CNTN3: variants seen among roughly 807,000 people sequenced by gnomAD.
CNTN3 encodes the protein contactin 3.
In CNTN3, 60 loss-of-function variants were observed where a neutral mutation model predicts 119.1. The observed-to-expected ratio is 0.50, with a 90% confidence interval of 0.41 to 0.62. CNTN3 has a LOEUF of 0.62. Ranked by LOEUF, CNTN3 falls within the 20% of genes least tolerant of loss-of-function variation. The pLI, the probability that CNTN3 is intolerant of heterozygous loss-of-function variation, is 0.00. For missense variants in CNTN3, 1,101 were observed against 1,242.4 expected (o/e 0.89, Z 1.71); for synonymous variants, 450 against 438.7 (o/e 1.03, Z -0.32).
intron 10 of CNTN3, 78 bp from the exon 11 acceptor site, chr3:74,362,118 A>G: frequency 1.3e-6 from 2 of 1,504,688 alleles, no homozygotes; most frequent in Non-Finnish European, 1.8e-6. Flanking sequence ...CCACTTTTAC[A>G]GTTTTAAAAG....
At chr3:74,527,015 CT>C (rs1195442161) in intron 1 of CNTN3, among the ~76,000 whole-genome samples, 14 of 151,946 alleles carry the variant, frequency 9.2e-5, no homozygotes, top group African/African-American at 3.4e-4. Flanking sequence ...TGTGTGTACT[CT>C]ATGCTTTATT....
At chr3:74,375,289 T>C (rs1355027992) in intron 5 of CNTN3, among the ~76,000 whole-genome samples, 1 of 152,074 alleles carries the variant, frequency 6.6e-6, no homozygotes, top group Non-Finnish European at 1.5e-5. Flanking sequence ...GAAAAAGGTA[T>C]AGTAAAAATA....
chr3:74,351,472 A>T (rs936962212), intron 11 of CNTN3, among the ~76,000 whole-genome samples: 20 of 152,278 alleles, frequency 1.3e-4, no homozygotes, highest in African/African-American at 4.8e-4. Context: ...AACTTGTCTA[A>T]CACCCCATAG....
rs111905314 is a variant in CNTN3, at chr3:74,606,698, A to G, written c.-81+7693T>C. ...CAATTATGGCACTATCAGATTAAAA[A>G]GGATATTGACTATATTCTAGAATTT... On this transcript the variant is annotated intron_variant, in intron 1 of 22. Transcript: ENST00000263665. Among the ~76,000 whole-genome samples the G allele has an allele frequency of 2.9e-3, 439 of 152,308 alleles. 1 individual carries two copies. Among genetic ancestry groups the G allele is most frequent in the African/African-American group, 9.7e-3 (402 of 41,578 alleles).
chr3:74,362,069 A>G (rs2106772591), intron 10 of CNTN3, 29 bp from the exon 11 acceptor site: 1 of 1,603,870 alleles, frequency 6.2e-7, no homozygotes, highest in Admixed American at 1.7e-5. Context: ...GAGAAGGAGA[A>G]GTGGATCATT....
At chr3:74,322,483 C>A (rs866861438) in intron 13 of CNTN3, among the ~76,000 whole-genome samples, 5 of 152,150 alleles carry the variant, frequency 3.3e-5, no homozygotes, top group Admixed American at 6.5e-5. Context: ...AATCCAGACA[C>A]TGACAACATA....
At chr3:74,389,770 G>C (rs537355039) in intron 5 of CNTN3, among the ~76,000 whole-genome samples, 13 of 152,238 alleles carry the variant, frequency 8.5e-5, no homozygotes, top group African/African-American at 3.1e-4. Context: ...AAGCAGTTCT[G>C]CACAAACTAA....
At chr3:74,479,143 A>G (rs1047660509) in intron 4 of CNTN3, among the ~76,000 whole-genome samples, 1 of 152,030 alleles carries the variant, frequency 6.6e-6, no homozygotes, top group Non-Finnish European at 1.5e-5. Flanking sequence ...TGCAAGTAAT[A>G]ATATGTGTGA....
intron 4 of CNTN3, among the ~76,000 whole-genome samples, chr3:74,451,356 G>T (rs546107228): frequency 4.6e-5 from 7 of 152,138 alleles, no homozygotes; most frequent in Admixed American, 1.3e-4. Context: ...CTTTTTGATG[G>T]GGTTGTTTGT....
At chr3:74,326,489 T>G (rs1034118256) in intron 13 of CNTN3, among the ~76,000 whole-genome samples, 2 of 152,174 alleles carry the variant, frequency 1.3e-5, no homozygotes, top group Admixed American at 6.5e-5. Flanking sequence ...TCCTGTATTC[T>G]AGCTATTTGA....
chr3:74,595,818 T>C (rs972777039), intron 1 of CNTN3, among the ~76,000 whole-genome samples: 7 of 152,052 alleles, frequency 4.6e-5, no homozygotes, highest in Admixed American at 2.6e-4. Context: ...CTATTCAACG[T>C]AGTGTTGGAA....
At chr3:74,499,894 A>C in intron 2 of CNTN3, 109 bp from the exon 3 acceptor site, 1 of 1,059,426 alleles carries the variant, frequency 9.4e-7, no homozygotes, top group South Asian at 1.9e-5. Flanking sequence ...GTACTGCTCC[A>C]TTTGCATACA....
At chr3:74,334,583 A>G (rs1293722395) in intron 13 of CNTN3, 152 bp downstream of exon 13, 15 of 579,786 alleles carry the variant, frequency 2.6e-5, no homozygotes, top group African/African-American at 5.6e-5. Context: ...CAAAAATAAA[A>G]TTAGATCAAA....
In CNTN3 at chr3:74,364,450, G is replaced by A; in HGVS notation, c.1213+17C>T. On this transcript the variant is annotated intron_variant, in intron 10 of 22. Transcript: ENST00000263665. ...AAGACAAAAAATTAAGAGAAGAGCA[G>A]AGAAAATCAGCCTTACCAACAACTT... 6.2e-7 allele frequency: 1 copy of A among 1,603,894 alleles called. No homozygotes were observed. The highest frequency in any genetic ancestry group is 8.5e-7 in the Non-Finnish European group (1 of 1,175,190).
intron 4 of CNTN3, among the ~76,000 whole-genome samples, chr3:74,463,024 T>A (rs1433287332): frequency 6.6e-6 from 1 of 152,170 alleles, no homozygotes; most frequent in Non-Finnish European, 1.5e-5. Context: ...GCAAGAAGCA[T>A]GTCTTTATGT....
At chr3:74,599,086 G>T (rs1181747984) in intron 1 of CNTN3, among the ~76,000 whole-genome samples, 1 of 152,118 alleles carries the variant, frequency 6.6e-6, no homozygotes. Flanking sequence ...AATCCACATT[G>T]AGTGATGCTA....
At chr3:74,405,218 T>C (rs1427708018) in intron 5 of CNTN3, among the ~76,000 whole-genome samples, 1 of 152,084 alleles carries the variant, frequency 6.6e-6, no homozygotes, top group Non-Finnish European at 1.5e-5. Context: ...ACATCATTTA[T>C]GCCAAATGAA....
chr3:74,388,333 T>C (rs1044184319), intron 5 of CNTN3, among the ~76,000 whole-genome samples: 1 of 152,210 alleles, frequency 6.6e-6, no homozygotes, highest in Non-Finnish European at 1.5e-5. Flanking sequence ...AGAATATTAA[T>C]TATGTAATTC....
intron 5 of CNTN3, among the ~76,000 whole-genome samples, chr3:74,411,688 A>G (rs1264948849): frequency 1.3e-5 from 2 of 152,204 alleles, no homozygotes; most frequent in East Asian, 3.9e-4. Flanking sequence ...TGCTGACAGA[A>G]GTATAAAACC....
Sources: gnomAD v4.1 joint callset for allele counts (sites outside exome capture counted in the v4.1 genomes callset) on GRCh38, gnomAD v4.1.1 for gene constraint, MANE v1.5 for transcripts, NCBI Gene and HGNC (gene_info 2026-07-23, HGNC 2026-07-21) for gene names.